Variants in ACOXL observed in about 807,000 individuals in gnomAD.
ACOXL encodes acyl-coenzyme A oxidase-like protein.
Under a neutral mutation model 71.9 loss-of-function variants are expected in ACOXL, and 70 were observed. The ratio of observed to expected loss-of-function variants is 0.97; its 90% CI spans 0.80 to 1.19. The LOEUF (loss-of-function observed/expected upper bound fraction) is 1.19, where lower values mean the gene tolerates loss of function less well. Ranked by LOEUF, ACOXL falls within the 50% of genes most tolerant of loss-of-function variation. The pLI is 0.00. For synonymous variants in ACOXL, 253 were observed against 281.6 expected, an observed-to-expected ratio of 0.90 and a Z score of 1.02; for missense variants, 703 against 736.3, an observed-to-expected ratio of 0.95 and a Z score of 0.52.
intron 12 of ACOXL, among the ~76,000 whole-genome samples, chr2:110,976,542 A>G (rs1354211388): frequency 6.6e-6 from 1 of 152,250 alleles, no homozygotes. Context: ...TTTCTGAAAA[A>G]TGTTACTTGT....
intron 10 of ACOXL, among the ~76,000 whole-genome samples, chr2:110,857,767 C>T (rs946943165): frequency 4.6e-5 from 7 of 152,054 alleles, no homozygotes; most frequent in African/African-American, 1.4e-4. Context: ...GCTCTGTTGC[C>T]CAGGCTGGAG....
chr2:110,937,366 G>T (rs920413086), intron 12 of ACOXL, among the ~76,000 whole-genome samples: 1 of 127,658 alleles, frequency 7.8e-6, no homozygotes, highest in Middle Eastern at 4.2e-3. Context: ...TTAGAACAAA[G>T]AATGCTTCTA....
intron 10 of ACOXL, among the ~76,000 whole-genome samples, chr2:110,889,047 G>T (rs887015559): frequency 6.6e-6 from 1 of 152,210 alleles, no homozygotes; most frequent in African/African-American, 2.4e-5. Context: ...AATACCTTCT[G>T]CATGGAGTGT....
At chr2:110,891,402 T>C (rs757546394) in intron 10 of ACOXL, among the ~76,000 whole-genome samples, 20 of 152,008 alleles carry the variant, frequency 1.3e-4, no homozygotes, top group Admixed American at 5.9e-4. Context: ...TTTCAACTTA[T>C]TTGTATCTTT....
rs933790434 is a variant in ACOXL at position 110,800,137 on chromosome 2, A to G, written c.547+1037A>G. On this transcript the variant is annotated intron_variant, in intron 7 of 17. Coordinates refer to ENST00000439055, the MANE Select transcript of ACOXL (RefSeq NM_001142807.4). ...AAGCTTTGTTCTTTCACTCTTCACA[A>G]TAAATCTGGATGCTGCTCACTCTTT... Among the ~76,000 whole-genome samples, 8 of 152,186 alleles carry G rather than the reference A, an allele frequency of 5.3e-5. No individual in the cohort carries two copies. The South Asian group carries it at 8.3e-4, about 16-fold the overall frequency.
rs569841285 is a variant in ACOXL at position 111,111,285 on chromosome 2, A to T, written c.1543-6331A>T. Reference sequence around the variant, plus strand: ...CGGCTAATTTTTGTATTTTTTGTAGAGATGGGGTTTCACCATGTTGCCCAG... The same window carrying T: ...CGGCTAATTTTTGTATTTTTTGTAGTGATGGGGTTTCACCATGTTGCCCAG... On this transcript the variant is annotated intron_variant, in intron 17 of 17. Transcript: ENST00000439055. Among the ~76,000 whole-genome samples, 696 of 152,052 alleles carry T rather than the reference A, an allele frequency of 4.6e-3. 3 individuals carry two copies. The highest frequency in any genetic ancestry group is 7.7e-3 in the South Asian group (37 of 4,818).
intron 6 of ACOXL, 124 bp downstream of exon 6, chr2:110,798,848 T>C: frequency 8.8e-7 from 1 of 1,141,764 alleles, no homozygotes; most frequent in Non-Finnish European, 1.3e-6. Flanking sequence ...TCTCCTAATA[T>C]GCATGAAGAA....
intron 14 of ACOXL, among the ~76,000 whole-genome samples, chr2:111,016,178 C>T (rs1470549950): frequency 3.3e-5 from 5 of 151,950 alleles, no homozygotes; most frequent in African/African-American, 1.2e-4. Context: ...TCGAGTAATC[C>T]TCCCTCCTTG....
chr2:111,084,469 T>C (rs760409971), intron 16 of ACOXL, among the ~76,000 whole-genome samples: 4 of 152,186 alleles, frequency 2.6e-5, no homozygotes, highest in Non-Finnish European at 4.4e-5. Flanking sequence ...TGTGAAGAGA[T>C]GGACTCTTGG....
intron 16 of ACOXL, among the ~76,000 whole-genome samples, chr2:111,083,719 A>C (rs1440348196): frequency 1.3e-5 from 2 of 152,138 alleles, no homozygotes; most frequent in African/African-American, 4.8e-5. Flanking sequence ...ATACCAGGCA[A>C]GATACTACAA....
At chr2:110,847,664 C>A (rs1299079797) in intron 10 of ACOXL, among the ~76,000 whole-genome samples, 3 of 152,354 alleles carry the variant, frequency 2.0e-5, no homozygotes, top group Non-Finnish European at 4.4e-5. Flanking sequence ...AAGGCTAAAT[C>A]TGGCATCCTG....
At chr2:111,065,137 G>A (rs1398289337) in intron 16 of ACOXL, among the ~76,000 whole-genome samples, 1 of 152,140 alleles carries the variant, frequency 6.6e-6, no homozygotes, top group Non-Finnish European at 1.5e-5. Context: ...GTATGGTATT[G>A]GCAGGTGAAT....
chr2:110,968,327 G>A (rs2062021643), intron 12 of ACOXL: 2 of 1,193,554 alleles, frequency 1.7e-6, no homozygotes, highest in African/African-American at 3.0e-5. Context: ...TCCCTGAAGG[G>A]AGCTGTGGCT....
chr2:110,880,168 A>G (rs1179918913), intron 10 of ACOXL, among the ~76,000 whole-genome samples: 30 of 150,790 alleles, frequency 2.0e-4, no homozygotes, highest in South Asian at 6.3e-4. Flanking sequence ...AAAAAAAAAA[A>G]AAAAGAAAAG....
chr2:110,887,064 C>G, intron 10 of ACOXL: 1 of 503,856 alleles, frequency 2.0e-6, no homozygotes, highest in Non-Finnish European at 3.5e-6. Context: ...CTGTGTATGT[C>G]TCTCCAGGCA....
chr2:110,972,680 A>G lies in ACOXL; in HGVS notation c.1060-14428A>G, dbSNP rs150177467. On this transcript the variant is annotated intron_variant, in intron 12 of 17. Transcript: ENST00000439055. ...ACACACACACACACACACACACAAA[A>G]TTCAAGGTCAGCAAAGGAAAAAGAC... Among the ~76,000 whole-genome samples the G allele has an allele frequency of 1.1e-4, 17 of 151,538 alleles. No individual in the cohort carries two copies. The East Asian group carries it at 2.9e-3, about 26-fold the overall frequency.
chr2:110,975,415 AGT>A (rs3059265), intron 12 of ACOXL, among the ~76,000 whole-genome samples: 30,722 of 150,104 alleles, frequency 0.2, 5,138 homozygotes, highest in East Asian at 0.46. Context: ...TGTTTGTGTG[AGT>A]GTGTGTGTGT....
chr2:111,009,847 C>T (rs1259377670), intron 14 of ACOXL, among the ~76,000 whole-genome samples: 1 of 152,116 alleles, frequency 6.6e-6, no homozygotes, highest in Admixed American at 6.5e-5. Flanking sequence ...AACTATGTCT[C>T]AGGAAAAGGG....
chr2:110,942,954 A>G (rs2060923805), intron 12 of ACOXL, among the ~76,000 whole-genome samples: 1 of 141,642 alleles, frequency 7.1e-6, no homozygotes, highest in Non-Finnish European at 1.6e-5. Flanking sequence ...GAAAGAAAGA[A>G]GAAAGAAAAG....
Sources: gnomAD v4.1 joint callset for allele counts (sites outside exome capture counted in the v4.1 genomes callset) on GRCh38, gnomAD v4.1.1 for gene constraint, MANE v1.5 for transcripts, NCBI Gene and HGNC (gene_info 2026-07-23, HGNC 2026-07-21) for gene names.